Variants in ATP6V1C1 observed in about 807,000 individuals in gnomAD.
The protein encoded by ATP6V1C1 is ATPase H+ transporting V1 subunit C1.
A neutral mutation model predicts 53.9 loss-of-function variants in ATP6V1C1; 45 were observed. The ratio of observed to expected loss-of-function variants is 0.83; its 90% CI spans 0.66 to 1.07. The LOEUF (loss-of-function observed/expected upper bound fraction) is 1.07. Among genes scored for constraint, ATP6V1C1 ranks in the 50% least tolerant of loss-of-function variants. The pLI is 0.00. For missense variants in ATP6V1C1, 315 were observed against 440.3 expected, an observed-to-expected ratio of 0.72 and a Z score of 2.55; for synonymous variants, 153 against 155.2, an observed-to-expected ratio of 0.99 and a Z score of 0.11.
chr8:103,049,056 C>G, intron 4 of ATP6V1C1, 101 bp downstream of exon 4: 2 of 1,051,112 alleles, frequency 1.9e-6, no homozygotes, highest in Admixed American at 2.3e-5. Context: ...GAAAAGGACA[C>G]TAAATACAAT....
At chr8:103,022,772 G>T (rs757120486) in intron 1 of ATP6V1C1, among the ~76,000 whole-genome samples, 1 of 152,150 alleles carries the variant, frequency 6.6e-6, no homozygotes, top group Non-Finnish European at 1.5e-5. Flanking sequence ...TTCCAGGCCT[G>T]GCAGGGTGGC....
chr8:103,042,336 T>C lies in ATP6V1C1; in HGVS notation c.133-4T>C, dbSNP rs771811020. On this transcript the variant is annotated splice_polypyrimidine_tract_variant and splice_region_variant and intron_variant, in intron 2 of 12. Transcript: ENST00000518738. ...ACCTAAATAACAATATATTTTCCTTTTAGGTTGGCACGTTGGATGTCTTGG... is the reference window on the plus strand; with the variant it reads ...ACCTAAATAACAATATATTTTCCTTCTAGGTTGGCACGTTGGATGTCTTGG... 13 of 1,613,766 alleles carry C rather than the reference T, an allele frequency of 8.1e-6. 1 individual carries two copies. The South Asian group carries it at 1.3e-4, about 16-fold the overall frequency.
chr8:103,049,106 T>G, intron 4 of ATP6V1C1, 151 bp downstream of exon 4: 1 of 686,828 alleles, frequency 1.5e-6, no homozygotes, highest in Non-Finnish European at 2.4e-6. Flanking sequence ...CTGAATTTGG[T>G]GATACTTCCA....
In ATP6V1C1 at chr8:103,042,358, T is replaced by C. The variant is rs1461808939; in HGVS notation, c.151T>C (p.Leu51=). The C allele has an allele frequency of 6.2e-7, 1 of 1,613,900 alleles. No individual in the cohort carries two copies. Among genetic ancestry groups the C allele is most frequent in the African/African-American group, 1.3e-5 (1 of 74,862 alleles). Residue 51 remains leucine, a synonymous_variant, in exon 3 of 13, where the codon TTG becomes CTG. Transcript: ENST00000518738. ...PDLKVGTLDV[L]VGLSDELAKL... ...CTTTTAGGTTGGCACGTTGGATGTC[T>C]TGGTTGGCTTGTCAGATGAACTGGC...
chr8:103,031,552 G>A (rs879088510), intron 1 of ATP6V1C1, among the ~76,000 whole-genome samples: 1 of 152,080 alleles, frequency 6.6e-6, no homozygotes, highest in Non-Finnish European at 1.5e-5. Flanking sequence ...TATGGGGAGG[G>A]CATTCTCTTT....
At chr8:103,026,358 T>C (rs1816693353) in intron 1 of ATP6V1C1, among the ~76,000 whole-genome samples, 1 of 152,148 alleles carries the variant, frequency 6.6e-6, no homozygotes, top group Non-Finnish European at 1.5e-5. Context: ...AATAAAAAAA[T>C]TGTAGTTGAT....
At chr8:103,035,568 C>CG (rs1356733699) in intron 1 of ATP6V1C1, among the ~76,000 whole-genome samples, 1 of 151,938 alleles carries the variant, frequency 6.6e-6, no homozygotes, top group African/African-American at 2.4e-5. Context: ...ATCTGGGATA[C>CG]GGGGGAGAGT....
chr8:103,051,186 G>C (rs528356969), intron 5 of ATP6V1C1, 42 bp downstream of exon 5: 2 of 1,396,014 alleles, frequency 1.4e-6, no homozygotes, highest in African/African-American at 1.4e-5. Context: ...TTGATTTGTA[G>C]TGGCTTTGCT....
intron 1 of ATP6V1C1, among the ~76,000 whole-genome samples, chr8:103,027,703 CT>C (rs922086811): frequency 4.5e-4 from 65 of 143,492 alleles, no homozygotes; most frequent in African/African-American, 1.5e-3. Flanking sequence ...ATAATTGTTA[CT>C]TTTTTTTTTA....
intron 12 of ATP6V1C1, among the ~76,000 whole-genome samples, chr8:103,068,274 C>T (rs1019591883): frequency 2.0e-5 from 3 of 152,234 alleles, no homozygotes; most frequent in African/African-American, 7.2e-5. Flanking sequence ...ACTTATAAAT[C>T]ATACTTGCTT....
rs368479686 is a variant in ATP6V1C1 at position 103,024,117 on chromosome 8, GTC to G, written c.-40+2895_-40+2896del. Among the ~76,000 whole-genome samples, 1,240 of 152,270 alleles carry G rather than the reference GTC, an allele frequency of 8.1e-3. 7 individuals are homozygous for G. Among genetic ancestry groups the G allele is most frequent in the Non-Finnish European group, 0.014 (955 of 68,006 alleles). ...ATCACAGTTCTTTGGCAAAAAGTGAGTCTCAAATTATGCTGAAGACTGAGCCT... is the reference window on the plus strand; with the variant it reads ...ATCACAGTTCTTTGGCAAAAAGTGAGTCAAATTATGCTGAAGACTGAGCCT... On this transcript the variant is annotated intron_variant, in intron 1 of 12. Coordinates refer to ENST00000518738, the MANE Select transcript of ATP6V1C1 (RefSeq NM_001695.5).
intron 3 of ATP6V1C1, among the ~76,000 whole-genome samples, chr8:103,044,837 C>A (rs2458283): frequency 0.79 from 119,500 of 152,040 alleles, 47,103 homozygotes; most frequent in Admixed American, 0.82. Context: ...TCCTAATATT[C>A]TTGTCTTTAT....
chr8:103,027,033 A>G (rs1208995420), intron 1 of ATP6V1C1, among the ~76,000 whole-genome samples: 3 of 152,188 alleles, frequency 2.0e-5, no homozygotes, highest in Non-Finnish European at 4.4e-5. Context: ...TTTACTTTTT[A>G]TATGTATGGT....
At chr8:103,043,212 G>A (rs7825292) in intron 3 of ATP6V1C1, among the ~76,000 whole-genome samples, 9,605 of 152,160 alleles carry the variant, frequency 0.063, 1,005 homozygotes, top group African/African-American at 0.21. Context: ...TATTCCCGCC[G>A]GCAGTGTATG....
In ATP6V1C1 at chr8:103,064,785, A is replaced by G; in HGVS notation, c.900A>G (p.Leu300=). ...TTGCATGGATTCACGTGAAAGCATTACGGGTTTTCGTTGAGTCTGTTTTAA... is the reference window on the plus strand; with the variant it reads ...TTGCATGGATTCACGTGAAAGCATTGCGGGTTTTCGTTGAGTCTGTTTTAA... ...AFIAWIHVKA[L]RVFVESVLRY... Residue 300 remains leucine (L), a synonymous_variant, in exon 11 of 13, where the codon TTA becomes TTG. Coordinates refer to ENST00000518738, the MANE Select transcript of ATP6V1C1 (RefSeq NM_001695.5). 6.2e-7 allele frequency: 1 copy of G among 1,613,380 alleles called. No individual in the cohort carries two copies. Among genetic ancestry groups the G allele is most frequent in the Non-Finnish European group, 8.5e-7 (1 of 1,179,742 alleles).
At chr8:103,054,586 T>C (rs1421572510) in intron 7 of ATP6V1C1, among the ~76,000 whole-genome samples, 4 of 152,264 alleles carry the variant, frequency 2.6e-5, no homozygotes, top group Non-Finnish European at 4.4e-5. Context: ...GGGCATAGTT[T>C]GCTAACCCCT....
chr8:103,035,709 C>T (rs1204580765), intron 1 of ATP6V1C1, among the ~76,000 whole-genome samples: 2 of 152,084 alleles, frequency 1.3e-5, no homozygotes, highest in African/African-American at 4.8e-5. Context: ...AAAGATGTGT[C>T]GTGTTCCCAC....
At position 103,069,625 on chromosome 8, in the gene ATP6V1C1, A is replaced by G. The variant is rs532834292; in HGVS notation, c.*878A>G. On this transcript the variant is annotated 3_prime_UTR_variant, in exon 13 of 13. Transcript: ENST00000518738. ...TTTATGTGTTGTCTTCTTAAGATCTATAATTTTGGCATTTATGTCATTTGT... is the reference window on the plus strand; with the variant it reads ...TTTATGTGTTGTCTTCTTAAGATCTGTAATTTTGGCATTTATGTCATTTGT... 20 of 152,368 alleles carry G rather than the reference A, an allele frequency of 1.3e-4. No individual in the cohort carries two copies. Among genetic ancestry groups the G allele is most frequent in the African/African-American group, 4.1e-4 (17 of 41,586 alleles). 9.4% of individuals were successfully genotyped at this position (152,368 alleles called of 1,614,324 possible).
Position 103,021,687 on chromosome 8 carries a change from G to T in ATP6V1C1, c.-40+462G>T, listed in dbSNP as rs3779911. ...GGGATGACAGTTTAAAGGCCTAGGAGCCCCTAACTGCAGGCAAGGAACCCT... is the reference window on the plus strand; with the variant it reads ...GGGATGACAGTTTAAAGGCCTAGGATCCCCTAACTGCAGGCAAGGAACCCT... On this transcript the variant is annotated intron_variant, in intron 1 of 12. Transcript: ENST00000518738. 1.5e-4 allele frequency among the ~76,000 whole-genome samples: 23 copies of T among 152,104 alleles called. No individual in the cohort carries two copies. The East Asian group carries it at 4.4e-3, about 29-fold the overall frequency.
Sources: gnomAD v4.1 joint callset for allele counts (sites outside exome capture counted in the v4.1 genomes callset) on GRCh38, gnomAD v4.1.1 for gene constraint, MANE v1.5 for transcripts, NCBI Gene and HGNC (gene_info 2026-07-23, HGNC 2026-07-21) for gene names.